The following KCNT2 variants were observed in gnomAD, a reference collection of about 807,000 sequenced individuals.
The protein encoded by KCNT2 is potassium channel subfamily T member 2.
Under a neutral mutation model 153.8 loss-of-function variants are expected in KCNT2, and 67 were observed. That is an observed-to-expected ratio of 0.44 (90% CI 0.36 to 0.53). The LOEUF (loss-of-function observed/expected upper bound fraction) is 0.53. KCNT2 is among the 20% of genes least tolerant of loss of function. The pLI is 0.00. For missense variants in KCNT2, 975 were observed against 1,354.8 expected, an observed-to-expected ratio of 0.72 and a Z score of 4.40; for synonymous variants, 500 against 458.8, an observed-to-expected ratio of 1.09 and a Z score of -1.15.
At chr1:196,511,915 G>A (rs1681665948) in intron 1 of KCNT2, among the ~76,000 whole-genome samples, 1 of 152,124 alleles carries the variant, frequency 6.6e-6, no homozygotes, top group Admixed American at 6.6e-5. Flanking sequence ...ATGTCAGCGG[G>A]TGGAGAGAGA....
At chr1:196,336,424 A>G (rs950934700) in intron 16 of KCNT2, among the ~76,000 whole-genome samples, 3 of 152,174 alleles carry the variant, frequency 2.0e-5, no homozygotes, top group South Asian at 2.1e-4. Context: ...TTTTCTAACC[A>G]AAATACATCT....
chr1:196,522,118 T>C (rs761199265), intron 1 of KCNT2, among the ~76,000 whole-genome samples: 2 of 152,220 alleles, frequency 1.3e-5, no homozygotes, highest in Non-Finnish European at 2.9e-5. Flanking sequence ...AATGTGCTTA[T>C]GCAGAAAGAG....
At chr1:196,379,952 C>T (rs949746875) in intron 13 of KCNT2, among the ~76,000 whole-genome samples, 4 of 152,100 alleles carry the variant, frequency 2.6e-5, no homozygotes, top group African/African-American at 9.7e-5. Flanking sequence ...CACAATCCTG[C>T]GTTATTAAAA....
chr1:196,239,646 T>A (rs971572195), intron 26 of KCNT2, among the ~76,000 whole-genome samples: 1 of 151,994 alleles, frequency 6.6e-6, no homozygotes, highest in African/African-American at 2.4e-5. Flanking sequence ...TTTAAGAGGA[T>A]TTTTGAAAGA....
At chr1:196,256,754 A>T (rs930602677) in intron 26 of KCNT2, among the ~76,000 whole-genome samples, 3 of 150,578 alleles carry the variant, frequency 2.0e-5, no homozygotes, top group South Asian at 2.1e-4. Context: ...TATATATATA[A>T]AAAACAGTGT....
chr1:196,503,836 G>C (rs558764612), intron 1 of KCNT2, among the ~76,000 whole-genome samples: 1 of 151,974 alleles, frequency 6.6e-6, no homozygotes, highest in Non-Finnish European at 1.5e-5. Context: ...CCTCCAAATC[G>C]TCTCTTCCAT....
chr1:196,385,045 A>G (rs1669845077), intron 13 of KCNT2, among the ~76,000 whole-genome samples: 1 of 152,162 alleles, frequency 6.6e-6, no homozygotes, highest in Non-Finnish European at 1.5e-5. Flanking sequence ...TTTCAGTTTC[A>G]CCAAGAGAAA....
At chr1:196,563,161 G>C (rs1286873499) in intron 1 of KCNT2, among the ~76,000 whole-genome samples, 3 of 151,952 alleles carry the variant, frequency 2.0e-5, no homozygotes, top group African/African-American at 7.2e-5. Context: ...TGCCAGGAGA[G>C]GAAATCAGGC....
At chr1:196,582,522 C>A (rs1044706479) in intron 1 of KCNT2, 1 of 154,190 alleles carries the variant, frequency 6.5e-6, no homozygotes, top group Non-Finnish European at 1.5e-5. Context: ...AGAAGTGGAG[C>A]TGAGATTTTT....
At position 196,309,251 on chromosome 1, in the gene KCNT2, C is replaced by T. The variant is rs558085919; in HGVS notation, c.2484-3906G>A. Among the ~76,000 whole-genome samples, 3 of 152,018 alleles carry T rather than the reference C, an allele frequency of 2.0e-5. No homozygotes were observed. The South Asian group carries it at 6.2e-4, about 31-fold the overall frequency. On this transcript the variant is annotated intron_variant, in intron 21 of 27. Transcript: ENST00000294725. Reference sequence around the variant, plus strand: ...TAACTTTTGGAACATTTTTATTTCCCTTAAAAATATGTATTTTATCTTTGA... The same window carrying T: ...TAACTTTTGGAACATTTTTATTTCCTTTAAAAATATGTATTTTATCTTTGA...
rs1665523832 is a variant in KCNT2, at chr1:196,340,586, A to G, written c.1554-16T>C. On this transcript the variant is annotated splice_polypyrimidine_tract_variant and intron_variant, in intron 15 of 27. Coordinates refer to ENST00000294725, the MANE Select transcript of KCNT2 (RefSeq NM_198503.5). ...GACGCCAAACCTTAATTTAAAAAAAAAGAGAGTTTGTAAGAAAATTAGTAA... is the reference window on the plus strand; with the variant it reads ...GACGCCAAACCTTAATTTAAAAAAAGAGAGAGTTTGTAAGAAAATTAGTAA... 6.9e-7 allele frequency: 1 copy of G among 1,459,642 alleles called. No homozygotes were observed. Among genetic ancestry groups the G allele is most frequent in the Non-Finnish European group, 9.3e-7 (1 of 1,076,972 alleles). 90.4% of individuals were successfully genotyped at this position (1,459,642 alleles called of 1,614,324 possible).
intron 26 of KCNT2, among the ~76,000 whole-genome samples, chr1:196,250,355 C>T (rs1558066009): frequency 6.6e-6 from 1 of 151,992 alleles, no homozygotes; most frequent in African/African-American, 2.4e-5. Context: ...AATTCATTTT[C>T]CACAAAGGTG....
chr1:196,361,647 G>T (rs1415350020), intron 14 of KCNT2, among the ~76,000 whole-genome samples: 1 of 152,064 alleles, frequency 6.6e-6, no homozygotes, highest in Non-Finnish European at 1.5e-5. Context: ...CCACTTTGCT[G>T]CAGTCAGAAA....
At chr1:196,358,421 G>A (rs1346601416) in intron 14 of KCNT2, among the ~76,000 whole-genome samples, 3 of 151,430 alleles carry the variant, frequency 2.0e-5, no homozygotes, top group Non-Finnish European at 2.9e-5. Context: ...GACAAAATCA[G>A]CACCTCCAGA....
At chr1:196,371,668 T>A (rs562592756) in intron 14 of KCNT2, among the ~76,000 whole-genome samples, 7 of 152,070 alleles carry the variant, frequency 4.6e-5, no homozygotes, top group Non-Finnish European at 8.8e-5. Context: ...TAAGGCAAAA[T>A]TCATTAGAGT....
At chr1:196,461,614 T>C (rs1320236329) in intron 8 of KCNT2, among the ~76,000 whole-genome samples, 2 of 151,804 alleles carry the variant, frequency 1.3e-5, no homozygotes, top group African/African-American at 4.8e-5. Context: ...GCTAAAGTCA[T>C]GCATTTAATT....
intron 12 of KCNT2, among the ~76,000 whole-genome samples, chr1:196,400,433 C>G (rs915847371): frequency 2.5e-4 from 38 of 151,644 alleles, no homozygotes; most frequent in African/African-American, 3.1e-4. Context: ...TAGACTTGGA[C>G]AAGTTAAATT....
At chr1:196,543,399 A>G (rs1008239569) in intron 1 of KCNT2, among the ~76,000 whole-genome samples, 4 of 152,124 alleles carry the variant, frequency 2.6e-5, no homozygotes, top group African/African-American at 9.6e-5. Flanking sequence ...CTTGCTATAT[A>G]ACAATAGAAA....
At chr1:196,524,135 T>C (rs959052939) in intron 1 of KCNT2, among the ~76,000 whole-genome samples, 1 of 152,216 alleles carries the variant, frequency 6.6e-6, no homozygotes, top group African/African-American at 2.4e-5. Flanking sequence ...CTACTAAATT[T>C]CTTTGTTTCT....
Sources: allele counts gnomAD v4.1 joint callset (sites outside exome capture counted in the v4.1 genomes callset), GRCh38; gene constraint gnomAD v4.1.1; transcripts MANE v1.5; gene names NCBI Gene and HGNC (gene_info 2026-07-23, HGNC 2026-07-21).